Variants in STK3 observed in about 807,000 individuals in gnomAD.
STK3 encodes serine/threonine kinase 3.
STK3 carries 41 observed loss-of-function variants against 58.0 expected under a neutral mutation model. The ratio of observed to expected loss-of-function variants is 0.71; its 90% confidence interval spans 0.55 to 0.92. The LOEUF is 0.92. Ranked by LOEUF, STK3 falls within the 40% of genes least tolerant of loss-of-function variation. The pLI, the probability that STK3 is intolerant of heterozygous loss-of-function variation, is 0.00. For synonymous variants in STK3, 170 were observed against 191.0 expected, an observed-to-expected ratio of 0.89 and a Z score of 0.91; for missense variants, 479 against 602.7, an observed-to-expected ratio of 0.79 and a Z score of 2.15.
intron 1 of STK3, among the ~76,000 whole-genome samples, chr8:98,891,084 C>T (rs1196959497): frequency 6.6e-6 from 1 of 152,208 alleles, no homozygotes; most frequent in Non-Finnish European, 1.5e-5. Flanking sequence ...AATCTGGCCT[C>T]CTAACAGTTG....
chr8:98,473,721 C>A (rs148433604), intron 10 of STK3, among the ~76,000 whole-genome samples: 109 of 152,216 alleles, frequency 7.2e-4, no homozygotes, highest in Non-Finnish European at 1.2e-3. Context: ...TTGAAACCTC[C>A]CTCTCTTGGC....
intron 3 of STK3, among the ~76,000 whole-genome samples, chr8:98,853,548 C>T (rs994302814): frequency 1.1e-4 from 17 of 152,188 alleles, no homozygotes; most frequent in African/African-American, 3.6e-4. Context: ...CTGGTCCTGA[C>T]TTCTCTGCTA....
At chr8:98,659,180 A>C (rs923964329) in intron 6 of STK3, among the ~76,000 whole-genome samples, 5 of 152,084 alleles carry the variant, frequency 3.3e-5, no homozygotes, top group Admixed American at 3.3e-4. Flanking sequence ...ACTGTATTAA[A>C]AATTCTTTCA....
At chr8:98,521,821 T>C (rs963667470) in intron 10 of STK3, among the ~76,000 whole-genome samples, 10 of 152,180 alleles carry the variant, frequency 6.6e-5, no homozygotes, top group Non-Finnish European at 5.9e-5. Context: ...CTGCTATCCA[T>C]TTATCAATGC....
At chr8:98,378,275 C>T (rs967676946) in intron 2 of STK3, among the ~76,000 whole-genome samples, 21 of 152,206 alleles carry the variant, frequency 1.4e-4, no homozygotes, top group Admixed American at 1.4e-3. Flanking sequence ...CAGTCAAGAG[C>T]TGAACAAAGA....
chr8:98,836,556 C>G (rs1207225699), intron 3 of STK3, among the ~76,000 whole-genome samples: 1 of 152,226 alleles, frequency 6.6e-6, no homozygotes, highest in African/African-American at 2.4e-5. Flanking sequence ...TTGCTTCTTA[C>G]TAGCCAATCC....
chr8:98,671,805 C>T (rs557894040), intron 6 of STK3, among the ~76,000 whole-genome samples: 1 of 152,218 alleles, frequency 6.6e-6, no homozygotes, highest in Admixed American at 6.5e-5. Flanking sequence ...TATCCCCACC[C>T]AAATCTTACC....
intron 1 of STK3, among the ~76,000 whole-genome samples, chr8:98,903,532 C>CT (rs1838746648): frequency 3.3e-5 from 1 of 30,046 alleles, no homozygotes; most frequent in African/African-American, 1.9e-4. Context: ...TCTTCTTCTT[C>CT]TTCTTCTTCT....
intron 8 of STK3, among the ~76,000 whole-genome samples, chr8:98,550,651 A>G (rs1811086548): frequency 6.6e-6 from 1 of 151,974 alleles, no homozygotes; most frequent in Non-Finnish European, 1.5e-5. Flanking sequence ...TATAATCCTC[A>G]CTACATCATA....
At chr8:98,494,299 C>T (rs951750107) in intron 10 of STK3, among the ~76,000 whole-genome samples, 1 of 152,170 alleles carries the variant, frequency 6.6e-6, no homozygotes, top group Non-Finnish European at 1.5e-5. Context: ...CTATCTGGTA[C>T]ATTCTTACTC....
chr8:98,507,000 T>C (rs2131387316), intron 10 of STK3, among the ~76,000 whole-genome samples: 1 of 152,310 alleles, frequency 6.6e-6, no homozygotes, highest in East Asian at 1.9e-4. Context: ...GGTAATTTGT[T>C]ACAGCAGCCA....
intron 1 of STK3, among the ~76,000 whole-genome samples, chr8:98,817,341 C>T (rs955810378): frequency 1.3e-5 from 2 of 151,524 alleles, no homozygotes; most frequent in African/African-American, 4.9e-5. Flanking sequence ...GTAGTCCCAG[C>T]GGCTTGGGAG....
the STK3 span, among the ~76,000 whole-genome samples, chr8:98,354,555 TTTGTG>T: frequency 6.6e-6 from 1 of 152,200 alleles, no homozygotes; most frequent in African/African-American, 2.4e-5. Flanking sequence ...TACCTCTAGA[TTTGTG>T]TGAAACAGAA....
At chr8:98,858,058 T>C (rs1245490708) in intron 3 of STK3, among the ~76,000 whole-genome samples, 1 of 151,722 alleles carries the variant, frequency 6.6e-6, no homozygotes, top group African/African-American at 2.4e-5. Context: ...TGGACAACAA[T>C]TTTTTATCTT....
At chr8:98,571,564 C>T (rs1268979100) in intron 8 of STK3, among the ~76,000 whole-genome samples, 1 of 152,126 alleles carries the variant, frequency 6.6e-6, no homozygotes, top group Non-Finnish European at 1.5e-5. Flanking sequence ...ACATTAAGGA[C>T]CGCAACCTGA....
intron 4 of STK3, among the ~76,000 whole-genome samples, chr8:98,711,189 A>G (rs954123768): frequency 6.6e-6 from 1 of 152,204 alleles, no homozygotes; most frequent in Non-Finnish European, 1.5e-5. Context: ...TGCAGAAAAA[A>G]CAGAGCAGAA....
At chr8:98,758,938 T>C (rs950189542) in intron 3 of STK3, among the ~76,000 whole-genome samples, 5 of 152,252 alleles carry the variant, frequency 3.3e-5, no homozygotes, top group African/African-American at 4.8e-5. Context: ...CTTCATAGAA[T>C]TGAAGACAGT....
chr8:98,555,368 T>C (rs1188684407), intron 8 of STK3, among the ~76,000 whole-genome samples: 1 of 152,152 alleles, frequency 6.6e-6, no homozygotes, highest in Non-Finnish European at 1.5e-5. Context: ...CTTTAGAATA[T>C]AAAATTGTTT....
At chr8:98,764,366 CATCA>C (rs1237317055) in intron 3 of STK3, among the ~76,000 whole-genome samples, 4 of 152,140 alleles carry the variant, frequency 2.6e-5, no homozygotes, top group Non-Finnish European at 4.4e-5. Flanking sequence ...TTCATTCATT[CATCA>C]AAAAGTATAC....
Sources: allele counts gnomAD v4.1 joint callset (sites outside exome capture counted in the v4.1 genomes callset), GRCh38; gene constraint gnomAD v4.1.1; transcripts MANE v1.5; gene names NCBI Gene and HGNC (gene_info 2026-07-23, HGNC 2026-07-21).